Variants in VWC2L observed in about 807,000 individuals in gnomAD.
VWC2L encodes the protein von Willebrand factor C domain containing 2 like.
A neutral mutation model predicts 21.6 loss-of-function variants in VWC2L; 10 were observed. The ratio of observed to expected loss-of-function variants is 0.46; its 90% CI spans 0.29 to 0.78. The LOEUF (loss-of-function observed/expected upper bound fraction) is 0.78, where lower values mean the gene tolerates loss of function less well. Ranked by LOEUF, VWC2L falls within the 30% of genes least tolerant of loss-of-function variation. VWC2L has a pLI of 0.10. For synonymous variants in VWC2L, 96 were observed against 94.3 expected, an observed-to-expected ratio of 1.02 and a Z score of -0.10; for missense variants, 209 against 277.1, an observed-to-expected ratio of 0.75 and a Z score of 1.74.
chr2:214,563,262 T>A (rs1690004624), intron 3 of VWC2L, among the ~76,000 whole-genome samples: 1 of 152,054 alleles, frequency 6.6e-6, no homozygotes, highest in East Asian at 1.9e-4. Flanking sequence ...ATCAAGTGGT[T>A]GTAGGCCGGG....
intron 3 of VWC2L, among the ~76,000 whole-genome samples, chr2:214,513,292 A>G (rs1242464594): frequency 2.0e-5 from 3 of 152,080 alleles, no homozygotes; most frequent in Non-Finnish European, 2.9e-5. Context: ...TTGAAATTCA[A>G]TCAATTGGCC....
chr2:214,553,524 G>C (rs941737812), intron 3 of VWC2L, among the ~76,000 whole-genome samples: 1 of 152,170 alleles, frequency 6.6e-6, no homozygotes, highest in Non-Finnish European at 1.5e-5. Flanking sequence ...TGGAGTGTCT[G>C]GGTTAAGATA....
At chr2:214,454,598 CT>C (rs34032234) in intron 3 of VWC2L, among the ~76,000 whole-genome samples, 591 of 64,116 alleles carry the variant, frequency 9.2e-3, no homozygotes, top group Non-Finnish European at 0.013. Flanking sequence ...GATTGATTTT[CT>C]TTTTTTTTTT....
At chr2:214,535,923 C>T (rs1234967853) in intron 3 of VWC2L, among the ~76,000 whole-genome samples, 1 of 152,030 alleles carries the variant, frequency 6.6e-6, no homozygotes, top group Non-Finnish European at 1.5e-5. Context: ...GATACATTAC[C>T]TCAGTTTTCA....
chr2:214,421,885 C>CTTTTTTTTTTTTTTTTTTTTTTTTTTTTT lies in VWC2L; in HGVS notation c.390+7326_390+7327insTTTTTTTTTTTTTTTTTTTTTTTTTTTTT, dbSNP rs761759449. 1.6e-4 allele frequency among the ~76,000 whole-genome samples: 12 copies of CTTTTTTTTTTTTTTTTTTTTTTTTTTTTT among 76,164 alleles called. 1 individual carries two copies. The highest frequency in any genetic ancestry group is 1.9e-4 in the African/African-American group (3 of 15,712). The allele number at this position is 76,164 out of a possible 152,430, so 50.0% of individuals were successfully genotyped here. A position where few individuals can be genotyped will look rare whatever the true frequency, so the allele number is the denominator to read the frequency against. On this transcript the variant is annotated intron_variant, in intron 2 of 3. Transcript: ENST00000312504. ...CATAATTTTTTTCTATTTCCTACAT[C>CTTTTTTTTTTTTTTTTTTTTTTTTTTTTT]TTTTTTTTTTTTTTTTTTTTTTTTG...
At chr2:214,415,653 C>T (rs1210555403) in intron 2 of VWC2L, among the ~76,000 whole-genome samples, 1 of 152,034 alleles carries the variant, frequency 6.6e-6, no homozygotes, top group Non-Finnish European at 1.5e-5. Context: ...TCATCATTAG[C>T]ATAATCTGTG....
intron 3 of VWC2L, among the ~76,000 whole-genome samples, chr2:214,547,399 T>TG: frequency 6.6e-6 from 1 of 152,204 alleles, no homozygotes; most frequent in Non-Finnish European, 1.5e-5. Context: ...GGAGGGAGAA[T>TG]GTTCGACATA....
intron 3 of VWC2L, among the ~76,000 whole-genome samples, chr2:214,438,844 T>C (rs56083938): frequency 0.13 from 19,373 of 152,048 alleles, 1,579 homozygotes; most frequent in East Asian, 0.17. Flanking sequence ...TAGTAACCAC[T>C]AGTATTTCTG....
At chr2:214,445,701 C>T (rs936073468) in intron 3 of VWC2L, among the ~76,000 whole-genome samples, 2 of 151,698 alleles carry the variant, frequency 1.3e-5, no homozygotes, top group African/African-American at 2.4e-5. Flanking sequence ...CTTTGACAAA[C>T]CTGTATTTTC....
At chr2:214,561,378 C>T (rs977580353) in intron 3 of VWC2L, among the ~76,000 whole-genome samples, 1 of 152,148 alleles carries the variant, frequency 6.6e-6, no homozygotes, top group Non-Finnish European at 1.5e-5. Flanking sequence ...TTCTTCTAGG[C>T]TGGTGCTATG....
intron 3 of VWC2L, among the ~76,000 whole-genome samples, chr2:214,557,848 T>G (rs886263080): frequency 2.6e-5 from 4 of 152,208 alleles, no homozygotes; most frequent in Non-Finnish European, 5.9e-5. Flanking sequence ...CATTCTCTTT[T>G]ACATTCAACC....
At chr2:214,446,702 G>A (rs1264950756) in intron 3 of VWC2L, among the ~76,000 whole-genome samples, 2 of 152,074 alleles carry the variant, frequency 1.3e-5, no homozygotes, top group African/African-American at 2.4e-5. Context: ...TGTTTGAAAT[G>A]TTGAGTCCAG....
chr2:214,557,611 G>A (rs1234773052), intron 3 of VWC2L, among the ~76,000 whole-genome samples: 2 of 152,162 alleles, frequency 1.3e-5, no homozygotes, highest in African/African-American at 4.8e-5. Context: ...CAGTCAGCTA[G>A]ACTTTTTATT....
intron 3 of VWC2L, among the ~76,000 whole-genome samples, chr2:214,437,433 G>T (rs1177270156): frequency 6.6e-6 from 1 of 152,110 alleles, no homozygotes; most frequent in Non-Finnish European, 1.5e-5. Context: ...ACATGATGCT[G>T]CAGAGAAGAC....
intron 3 of VWC2L, among the ~76,000 whole-genome samples, chr2:214,482,242 A>G (rs1219490861): frequency 6.6e-6 from 1 of 152,192 alleles, no homozygotes; most frequent in Non-Finnish European, 1.5e-5. Flanking sequence ...GTGCTCACCA[A>G]TAGCATCTGA....
intron 3 of VWC2L, among the ~76,000 whole-genome samples, chr2:214,437,508 C>A (rs751848819): frequency 5.3e-5 from 8 of 152,090 alleles, no homozygotes; most frequent in African/African-American, 7.2e-5. Flanking sequence ...GCCTTATGAC[C>A]ATGTACTACC....
intron 3 of VWC2L, among the ~76,000 whole-genome samples, chr2:214,532,012 G>T (rs1689443783): frequency 6.6e-6 from 1 of 152,116 alleles, no homozygotes; most frequent in Non-Finnish European, 1.5e-5. Context: ...GGGAGAAAAA[G>T]AAGTCTACTT....
chr2:214,435,498 C>T (rs1386097301), intron 2 of VWC2L, among the ~76,000 whole-genome samples: 4 of 152,152 alleles, frequency 2.6e-5, no homozygotes, highest in Non-Finnish European at 5.9e-5. Context: ...AGGGTTTCCA[C>T]TATAGACTGT....
intron 3 of VWC2L, among the ~76,000 whole-genome samples, chr2:214,567,224 T>C (rs1367398433): frequency 6.6e-6 from 1 of 151,986 alleles, no homozygotes; most frequent in Non-Finnish European, 1.5e-5. Flanking sequence ...TCATAAAAGA[T>C]CAATAAAGTG....
Sources: allele counts gnomAD v4.1 joint callset (sites outside exome capture counted in the v4.1 genomes callset), GRCh38; gene constraint gnomAD v4.1.1; transcripts MANE v1.5; gene names NCBI Gene and HGNC (gene_info 2026-07-23, HGNC 2026-07-21).